CCDC42: variants seen among roughly 807,000 people sequenced by gnomAD.
CCDC42 encodes coiled-coil domain-containing protein 42.
CCDC42 carries 38 observed loss-of-function variants against 40.8 expected under a neutral mutation model. That is an observed-to-expected ratio of 0.93 (90% confidence interval 0.72 to 1.22). CCDC42 has a LOEUF of 1.22. Ranked by LOEUF, CCDC42 falls within the 50% of genes most tolerant of loss-of-function variation. The probability of loss-of-function intolerance (pLI) is 0.00; values close to 1 mark genes in which losing one functional copy is unlikely to be tolerated. For missense variants in CCDC42, 379 were observed against 416.5 expected (o/e 0.91, Z 0.78); for synonymous variants, 135 against 157.5 (o/e 0.86, Z 1.07).
chr17:8,732,659 T>C, intron 6 of CCDC42, among the ~76,000 whole-genome samples: 1 of 152,210 alleles, frequency 6.6e-6, no homozygotes, highest in East Asian at 1.9e-4. Context: ...GCTGGGAGCA[T>C]CTCAGGGCAT....
intron 4 of CCDC42, among the ~76,000 whole-genome samples, chr17:8,737,556 T>C (rs1438764822): frequency 6.6e-6 from 1 of 152,228 alleles, no homozygotes; most frequent in African/African-American, 2.4e-5. Flanking sequence ...GATCTCTTTA[T>C]GAAGTCCTTT....
At chr17:8,734,986 T>C in intron 6 of CCDC42, 110 bp downstream of exon 6, 1 of 1,180,462 alleles carries the variant, frequency 8.5e-7, no homozygotes, top group Non-Finnish European at 1.2e-6. Flanking sequence ...TGTTAAATTT[T>C]GAGAGTCCCT....
In CCDC42 at chr17:8,737,027, AAG is replaced by A. The variant is rs1391551378; in HGVS notation, c.493-1418_493-1417del. 3.8e-3 allele frequency among the ~76,000 whole-genome samples: 194 copies of A among 50,420 alleles called. 4 individuals are homozygous for A. The highest frequency in any genetic ancestry group is 0.01 in the Middle Eastern group (1 of 98). The allele number at this position is 50,420 out of a possible 152,430, so 33.1% of individuals were successfully genotyped here. ...AGGAAGGAAAAGAAAAAAAGAAAAG[AAG>A]AGGGAGGGAGGAAGGAAGGGAAAGA... On this transcript the variant is annotated intron_variant, in intron 4 of 6. Coordinates refer to ENST00000293845, the MANE Select transcript of CCDC42 (RefSeq NM_144681.3).
Position 8,729,972 on chromosome 17 carries a change from C to G in CCDC42, c.*158G>C. 1.5e-6 allele frequency: 1 copy of G among 647,910 alleles called. No individual in the cohort carries two copies. Among genetic ancestry groups the G allele is most frequent in the Non-Finnish European group, 2.8e-6 (1 of 362,758 alleles). The allele number at this position is 647,910 out of a possible 1,614,324, so 40.1% of individuals were successfully genotyped here. The stretch of plus-strand genomic sequence containing the variant: ...AACTTCATATAACATTCACTGTTTT[C>G]AGGGATAGAGTGAGGCCCACGGGGG... On this transcript the variant is annotated 3_prime_UTR_variant, in exon 7 of 7. Coordinates refer to ENST00000293845, the MANE Select transcript of CCDC42 (RefSeq NM_144681.3).
Position 8,730,086 on chromosome 17 carries a change from T to C in CCDC42, c.*44A>G. 6.3e-7 allele frequency: 1 copy of C among 1,589,592 alleles called. No individual in the cohort carries two copies. Among genetic ancestry groups the C allele is most frequent in the South Asian group, 1.1e-5 (1 of 90,150 alleles). On this transcript the variant is annotated 3_prime_UTR_variant, in exon 7 of 7. Coordinates refer to ENST00000293845, the MANE Select transcript of CCDC42 (RefSeq NM_144681.3). ...GGACCGCAGGCTCACGACTTCTTCTTTCACGATCTCTGTCTCAGGACATTC... is the reference window on the plus strand; with the variant it reads ...GGACCGCAGGCTCACGACTTCTTCTCTCACGATCTCTGTCTCAGGACATTC...
intron 3 of CCDC42, 139 bp from the exon 4 acceptor site, chr17:8,741,810 A>G: frequency 6.4e-6 from 5 of 777,468 alleles, no homozygotes; most frequent in Non-Finnish European, 1.0e-5. Flanking sequence ...TTGCTGGGCC[A>G]CCCATGGGGC....
chr17:8,730,257 C>G, intron 6 of CCDC42, 50 bp from the exon 7 acceptor site: 1 of 1,369,466 alleles, frequency 7.3e-7, no homozygotes, highest in Non-Finnish European at 1.0e-6. Flanking sequence ...GAGGCCTCCC[C>G]TGTCCCAAGA....
chr17:8,744,117 T>C lies in CCDC42; in HGVS notation c.151A>G (p.Thr51Ala), dbSNP rs12952995. The C allele has an allele frequency of 6.2e-7, 1 of 1,613,808 alleles. No individual in the cohort carries two copies. The highest frequency in any genetic ancestry group is 1.3e-5 in the African/African-American group (1 of 74,870). ...ACCATAGTTTGATGCATGATTTCTG[T>C]CTCCTTTTTCTTCTCCAGTAGCCAG... ...SIWLLEKKKE[T>A]EIMHQTMVQK... Residue 51 changes from threonine to alanine, a missense_variant, in exon 2 of 7, where the codon ACA becomes GCA. Thr to Ala is a moderately conservative substitution (Grantham distance 58). Coordinates refer to ENST00000293845, the MANE Select transcript of CCDC42 (RefSeq NM_144681.3).
At chr17:8,743,417 CAG>C (rs1397026204) in intron 3 of CCDC42, among the ~76,000 whole-genome samples, 1 of 152,122 alleles carries the variant, frequency 6.6e-6, no homozygotes, top group Non-Finnish European at 1.5e-5. Context: ...CTAGAGGGAG[CAG>C]AGACTGATAG....
chr17:8,744,229 G>A (rs1276387252), intron 1 of CCDC42, 45 bp from the exon 2 acceptor site: 2 of 1,461,544 alleles, frequency 1.4e-6, no homozygotes, highest in Non-Finnish European at 9.5e-7. Flanking sequence ...TCTGACATGG[G>A]GTAGGCTGGG....
chr17:8,733,428 T>G (rs2086592030), intron 6 of CCDC42, among the ~76,000 whole-genome samples: 1 of 152,216 alleles, frequency 6.6e-6, no homozygotes, highest in Non-Finnish European at 1.5e-5. Flanking sequence ...TTGGAGTGGA[T>G]GGACTAGAAG....
chr17:8,737,027 AAGAGG>A (rs2086616300), intron 4 of CCDC42, among the ~76,000 whole-genome samples: 1 of 50,362 alleles, frequency 2.0e-5, no homozygotes. Context: ...AAAAGAAAAG[AAGAGG>A]GAGGGAGGAA....
At chr17:8,733,895 G>A (rs111844368) in intron 6 of CCDC42, among the ~76,000 whole-genome samples, 1 of 152,204 alleles carries the variant, frequency 6.6e-6, no homozygotes. Context: ...AGACCCTATT[G>A]TGGGTCATAG....
intron 6 of CCDC42, among the ~76,000 whole-genome samples, chr17:8,733,634 G>T (rs897613479): frequency 1.3e-4 from 20 of 152,192 alleles, no homozygotes; most frequent in Non-Finnish European, 2.2e-4. Flanking sequence ...GGGATTACAG[G>T]TGCCTGCCAC....
Position 8,735,074 on chromosome 17 carries a change from A to G in CCDC42, c.873+22T>C. On this transcript the variant is annotated intron_variant, in intron 6 of 6. Transcript: ENST00000293845. The surrounding 1 kb of genome is among the most constrained non-coding windows in gnomAD (Gnocchi z 4.7). Reference sequence around the variant, plus strand: ...TCGGCCCAGCCGACCCCACGGGCCCAGTGCCTGTCCCCTCCTCCTACCATG... The same window carrying G: ...TCGGCCCAGCCGACCCCACGGGCCCGGTGCCTGTCCCCTCCTCCTACCATG... 1.2e-6 allele frequency: 2 copies of G among 1,613,596 alleles called. No homozygotes were observed. The highest frequency in any genetic ancestry group is 1.7e-6 in the Non-Finnish European group (2 of 1,179,718).
chr17:8,741,267 G>A (rs1281143555), intron 4 of CCDC42, among the ~76,000 whole-genome samples: 3 of 152,206 alleles, frequency 2.0e-5, no homozygotes, highest in East Asian at 1.9e-4. Flanking sequence ...CTCACCAGAG[G>A]CTTCTTTTAG....
rs573081988 is a variant in CCDC42 at position 8,741,681 on chromosome 17, G to A, written c.295-10C>T. The A allele has an allele frequency of 5.7e-5, 92 of 1,610,442 alleles. 1 individual carries two copies. The South Asian group carries it at 7.6e-4, about 13-fold the overall frequency. The stretch of plus-strand genomic sequence containing the variant: ...GTTTCTGGTCGTTCTCCTGGGGCCC[G>A]GGGAGGTGGCGCTGGTCAGGAAGCC... On this transcript the variant is annotated splice_polypyrimidine_tract_variant and intron_variant, in intron 3 of 6. Coordinates refer to ENST00000293845, the MANE Select transcript of CCDC42 (RefSeq NM_144681.3).
chr17:8,741,693 C>T (rs373239803), intron 3 of CCDC42, 22 bp from the exon 4 acceptor site: 96 of 1,607,806 alleles, frequency 6.0e-5, no homozygotes, highest in Non-Finnish European at 7.9e-5. Flanking sequence ...GGAGGTGGCG[C>T]TGGTCAGGAA....
Position 8,741,540 on chromosome 17 carries a change from C to T in CCDC42, c.426G>A (p.Leu142=), listed in dbSNP as rs371758047. ...TGTAGTAGTCCTTCAGCTTGGCGCT[C>T]AGCCGCTGGTGCTCCAGCCGCAGCG... The part of the protein sequence containing the change: ...MVALRLEHQR[L]SAKLKDYYIF... Residue 142 remains leucine, a synonymous_variant, in exon 4 of 7, where the codon CTG becomes CTA. Coordinates refer to ENST00000293845, the MANE Select transcript of CCDC42 (RefSeq NM_144681.3). 3 of 1,614,110 alleles carry T rather than the reference C, an allele frequency of 1.9e-6. No individual in the cohort carries two copies. The African/African-American group carries it at 4.0e-5, about 22-fold the overall frequency.
Sources: allele counts gnomAD v4.1 joint callset (sites outside exome capture counted in the v4.1 genomes callset), GRCh38; gene constraint gnomAD v4.1.1; non-coding constraint Gnocchi (gnomAD v3.1); transcripts MANE v1.5; gene names NCBI Gene and HGNC (gene_info 2026-07-23, HGNC 2026-07-21).